The following PWWP2B variants were observed in gnomAD, a reference collection of about 807,000 sequenced individuals.
The protein encoded by PWWP2B is PWWP domain-containing protein 2B.
Under a neutral mutation model 15.5 loss-of-function variants are expected in PWWP2B, and 9 were observed. The observed-to-expected ratio is 0.58, with a 90% confidence interval of 0.35 to 1.02. The LOEUF is 1.02. PWWP2B is among the 50% of genes least tolerant of loss of function. The pLI is 0.02. For missense variants in PWWP2B, 864 were observed against 865.3 expected (o/e 1.00, Z 0.02); for synonymous variants, 474 against 403.6 (o/e 1.17, Z -2.09).
At chr10:132,403,183 G>A (rs954539037) in intron 1 of PWWP2B, among the ~76,000 whole-genome samples, 1 of 152,224 alleles carries the variant, frequency 6.6e-6, no homozygotes, top group African/African-American at 2.4e-5. Context: ...GGAGAATGGG[G>A]CGGGTGGCGC....
chr10:132,416,489 G>A (rs920428833), intron 2 of PWWP2B, among the ~76,000 whole-genome samples: 2 of 152,146 alleles, frequency 1.3e-5, no homozygotes, highest in Non-Finnish European at 2.9e-5. Flanking sequence ...CGGGGCCTGC[G>A]TGGGCTCAGG....
chr10:132,402,291 G>A (rs1006262703), intron 1 of PWWP2B, among the ~76,000 whole-genome samples: 1 of 152,256 alleles, frequency 6.6e-6, no homozygotes, highest in Non-Finnish European at 1.5e-5. Flanking sequence ...ATGTTCCCCA[G>A]CCCTAGTGGG....
At chr10:132,402,637 C>T (rs1315802430) in intron 1 of PWWP2B, among the ~76,000 whole-genome samples, 1 of 152,218 alleles carries the variant, frequency 6.6e-6, no homozygotes, top group East Asian at 1.9e-4. Flanking sequence ...AGATGATGAA[C>T]TGGCTGCTGA....
chr10:132,413,346 G>A (rs1254194190), intron 2 of PWWP2B, among the ~76,000 whole-genome samples: 1 of 152,120 alleles, frequency 6.6e-6, no homozygotes, highest in Non-Finnish European at 1.5e-5. Flanking sequence ...GATAGTTTCG[G>A]AAGAAAAGGA....
chr10:132,405,795 G>A lies in PWWP2B; in HGVS notation c.1295G>A (p.Arg432Lys). 1.9e-6 allele frequency: 3 copies of A among 1,607,506 alleles called. No homozygotes were observed. Among genetic ancestry groups the A allele is most frequent in the Non-Finnish European group, 2.5e-6 (3 of 1,179,728 alleles). Residue 432 changes from arginine to lysine, a missense_variant, in exon 2 of 3, where the codon AGA becomes AAA. By Grantham distance (26) the Arg-to-Lys change is conservative (BLOSUM62 2). Transcript: ENST00000305233. ...ACSSDSLDEA[R>K]SSGSEGTPAD... ...AGCAGCGACAGCCTGGACGAGGCCA[G>A]ATCGTCCGGCTCGGAAGGGACGCCG...
intron 2 of PWWP2B, among the ~76,000 whole-genome samples, chr10:132,407,763 G>A (rs1188241782): frequency 2.0e-5 from 3 of 152,256 alleles, no homozygotes; most frequent in Non-Finnish European, 4.4e-5. Flanking sequence ...CAGGCGTGGG[G>A]CAGGTGCCTT....
intron 1 of PWWP2B, among the ~76,000 whole-genome samples, chr10:132,398,226 A>G (rs2069564014): frequency 6.6e-6 from 1 of 152,240 alleles, no homozygotes; most frequent in Non-Finnish European, 1.5e-5. Flanking sequence ...TGGTGACATG[A>G]ATTAGCAGAG....
chr10:132,414,394 T>TC (rs1198465180), intron 2 of PWWP2B, among the ~76,000 whole-genome samples: 1 of 152,174 alleles, frequency 6.6e-6, no homozygotes, highest in Non-Finnish European at 1.5e-5. Flanking sequence ...CTCTTTCGAA[T>TC]CCTAAAATGC....
rs1564874495 is a variant in PWWP2B, at chr10:132,405,511, C to T, written c.1011C>T (p.Pro337=). The T allele has an allele frequency of 6.2e-7, 1 of 1,603,906 alleles. No individual in the cohort carries two copies. Among genetic ancestry groups the T allele is most frequent in the South Asian group, 1.1e-5 (1 of 91,022 alleles). ...DLPPPKIRLK[P]HRLGDSEHEP... is the part of the protein sequence containing the mutation. ...CGCCCCCTAAGATCCGCCTGAAGCC[C>T]CACCGTCTGGGGGACAGCGAGCACG... The change falls in exon 2 of 3, where the codon CCC becomes CCT. Residue 337 remains proline, a synonymous_variant. Transcript: ENST00000305233.
rs2069875887 is a variant in PWWP2B, at chr10:132,417,406, G to A, written c.*362G>A. 4 of 410,000 alleles carry A rather than the reference G, an allele frequency of 9.8e-6. No individual in the cohort carries two copies. Among genetic ancestry groups the A allele is most frequent in the East Asian group, 9.4e-5 (2 of 21,316 alleles). 25.4% of individuals were successfully genotyped at this position (410,000 alleles called of 1,614,324 possible). ...CGGCCTCACCTGCTGCCCGCATGCT[G>A]GGGTCCCATGGAGGAACCAGGCCTG... is the stretch of plus-strand genomic sequence containing the variant. On this transcript the variant is annotated 3_prime_UTR_variant, in exon 3 of 3. Transcript: ENST00000305233.
intron 2 of PWWP2B, among the ~76,000 whole-genome samples, chr10:132,416,525 C>T (rs566226119): frequency 6.6e-6 from 1 of 152,160 alleles, no homozygotes; most frequent in Admixed American, 6.5e-5. Context: ...GCAGGGCTGA[C>T]ACCTGGGGCT....
At position 132,404,808 on chromosome 10, in the gene PWWP2B, C is replaced by CCCCCCACCT; in HGVS notation, c.308_309insCCCCCACCT (p.Pro104_Leu105insHisLeuPro). The CCCCCCACCT allele has an allele frequency of 6.5e-7, 1 of 1,541,562 alleles. No individual in the cohort carries two copies. The highest frequency in any genetic ancestry group is 8.8e-7 in the Non-Finnish European group (1 of 1,139,912). ...GAGACCACCCGCCCCGAGCCACCCC[C>CCCCCCACCT]GCCCCTCGTGCCGCCGCTGCCCGCC... On this transcript the variant is annotated inframe_insertion, in exon 2 of 3. Coordinates refer to ENST00000305233, the MANE Select transcript of PWWP2B (RefSeq NM_138499.4).
At chr10:132,413,447 C>G (rs2069807734) in intron 2 of PWWP2B, among the ~76,000 whole-genome samples, 1 of 152,172 alleles carries the variant, frequency 6.6e-6, no homozygotes, top group South Asian at 2.1e-4. Flanking sequence ...GTCTTTTTGT[C>G]CTGGGGTCTG....
intron 1 of PWWP2B, among the ~76,000 whole-genome samples, chr10:132,398,747 C>T (rs1252091617): frequency 2.6e-5 from 4 of 152,228 alleles, no homozygotes; most frequent in Non-Finnish European, 5.9e-5. Context: ...TGGGAACTGG[C>T]AGCTGTAGGA....
intron 1 of PWWP2B, 73 bp from the exon 2 acceptor site, chr10:132,404,553 C>G (rs2069655493): frequency 7.4e-7 from 1 of 1,351,204 alleles, no homozygotes; most frequent in Non-Finnish European, 1.1e-6. Context: ...GGGGCCTTGG[C>G]TCTGGGGGCT....
At chr10:132,403,478 T>C (rs4880251) in intron 1 of PWWP2B, among the ~76,000 whole-genome samples, 58,827 of 152,100 alleles carry the variant, frequency 0.39, 12,022 homozygotes, top group East Asian at 0.5. Flanking sequence ...GCAGAACTGT[T>C]TTCCTGACGC....
At chr10:132,411,720 C>T (rs1374025016) in intron 2 of PWWP2B, among the ~76,000 whole-genome samples, 4 of 152,236 alleles carry the variant, frequency 2.6e-5, no homozygotes, top group East Asian at 1.9e-4. Context: ...GAGCCGCTGC[C>T]GGGACTTGGG....
chr10:132,402,369 C>A (rs940352705), intron 1 of PWWP2B, among the ~76,000 whole-genome samples: 22 of 152,358 alleles, frequency 1.4e-4, no homozygotes, highest in African/African-American at 4.8e-4. Context: ...CCATGGGAGG[C>A]CTTCTCCTTG....
In PWWP2B at chr10:132,417,258, C is replaced by T; in HGVS notation, c.*214C>T. ...GCGGCTCCTCCCGCTGAGTGTATTTCTTCCCACCACTCAGCGCATGGCTGC... is the reference window on the plus strand; with the variant it reads ...GCGGCTCCTCCCGCTGAGTGTATTTTTTCCCACCACTCAGCGCATGGCTGC... On this transcript the variant is annotated 3_prime_UTR_variant, in exon 3 of 3. Coordinates refer to ENST00000305233, the MANE Select transcript of PWWP2B (RefSeq NM_138499.4). The T allele has an allele frequency of 1.5e-6, 1 of 669,350 alleles. No homozygotes were observed. Among genetic ancestry groups the T allele is most frequent in the East Asian group, 2.6e-5 (1 of 37,954 alleles). 41.5% of individuals were successfully genotyped at this position (669,350 alleles called of 1,614,324 possible). A position where few individuals can be genotyped will look rare whatever the true frequency, so the allele number is the denominator to read the frequency against.
Sources: allele counts gnomAD v4.1 joint callset (sites outside exome capture counted in the v4.1 genomes callset), GRCh38; gene constraint gnomAD v4.1.1; transcripts MANE v1.5; gene names NCBI Gene and HGNC (gene_info 2026-07-23, HGNC 2026-07-21).